The following NKAIN2 variants were observed in gnomAD, a reference collection of about 807,000 sequenced individuals.
The protein encoded by NKAIN2 is sodium/potassium-transporting ATPase subunit beta-1-interacting protein 2.
In NKAIN2, 14 loss-of-function variants were observed where a neutral mutation model predicts 32.6. The observed-to-expected ratio is 0.43, with a 90% CI of 0.28 to 0.67. The LOEUF is 0.67. Among genes scored for constraint, NKAIN2 ranks in the 30% least tolerant of loss-of-function variants. The pLI is 0.17. For synonymous variants in NKAIN2, 80 were observed against 87.2 expected (o/e 0.92, Z 0.46); for missense variants, 198 against 258.3 (o/e 0.77, Z 1.60).
intron 1 of NKAIN2, among the ~76,000 whole-genome samples, chr6:124,141,900 A>T (rs549483958): frequency 1.3e-5 from 2 of 152,156 alleles, no homozygotes; most frequent in South Asian, 2.1e-4. Flanking sequence ...ACATCTCAAA[A>T]TTTTCAGCTT....
At chr6:124,382,899 A>G (rs1218623673) in intron 3 of NKAIN2, among the ~76,000 whole-genome samples, 5 of 152,196 alleles carry the variant, frequency 3.3e-5, no homozygotes, top group African/African-American at 1.2e-4. Context: ...GCATCATGAT[A>G]TCTGTTAGTT....
chr6:124,057,795 AGTT>A (rs1782729479), intron 1 of NKAIN2, among the ~76,000 whole-genome samples: 1 of 152,038 alleles, frequency 6.6e-6, no homozygotes, highest in African/African-American at 2.4e-5. Flanking sequence ...TTGTAAAGAG[AGTT>A]GTTTGAAATA....
intron 4 of NKAIN2, among the ~76,000 whole-genome samples, chr6:124,743,932 A>G (rs1488580666): frequency 6.6e-6 from 1 of 151,858 alleles, no homozygotes; most frequent in Non-Finnish European, 1.5e-5. Flanking sequence ...AATTTATAAA[A>G]TTGTGAATAA....
intron 3 of NKAIN2, among the ~76,000 whole-genome samples, chr6:124,617,193 T>G (rs1356000745): frequency 1.3e-5 from 2 of 152,230 alleles, no homozygotes; most frequent in Non-Finnish European, 2.9e-5. Flanking sequence ...CTTTTAGGGC[T>G]TAGTACTTAG....
chr6:124,272,167 A>ATC (rs1376821274), intron 1 of NKAIN2, among the ~76,000 whole-genome samples: 1 of 152,262 alleles, frequency 6.6e-6, no homozygotes, highest in Non-Finnish European at 1.5e-5. Context: ...CCAAGTGTTA[A>ATC]TCGCTAAGAC....
chr6:124,781,299 T>G (rs2114785289), intron 4 of NKAIN2, among the ~76,000 whole-genome samples: 1 of 152,246 alleles, frequency 6.6e-6, no homozygotes, highest in Non-Finnish European at 1.5e-5. Flanking sequence ...AGCCTCAGTT[T>G]TTTCATTTAT....
intron 3 of NKAIN2, among the ~76,000 whole-genome samples, chr6:124,424,574 A>AC (rs1355121004): frequency 6.6e-6 from 1 of 152,074 alleles, no homozygotes; most frequent in Non-Finnish European, 1.5e-5. Flanking sequence ...CAACCCCTGA[A>AC]CCATGACTGG....
At chr6:124,727,982 G>C (rs945363723) in intron 4 of NKAIN2, among the ~76,000 whole-genome samples, 8 of 150,742 alleles carry the variant, frequency 5.3e-5, no homozygotes, top group African/African-American at 1.7e-4. Flanking sequence ...TAATGGTAAA[G>C]GGATCAATTC....
chr6:124,229,666 G>A (rs1250050658), intron 1 of NKAIN2, among the ~76,000 whole-genome samples: 1 of 152,138 alleles, frequency 6.6e-6, no homozygotes, highest in African/African-American at 2.4e-5. Flanking sequence ...AACCATGGAA[G>A]TGGGTCTTTG....
intron 4 of NKAIN2, 76 bp from the exon 5 acceptor site, chr6:124,791,263 T>G: frequency 8.8e-7 from 1 of 1,130,920 alleles, no homozygotes. Flanking sequence ...CTGCCTGACT[T>G]TGAAAAGCCA....
intron 2 of NKAIN2, among the ~76,000 whole-genome samples, chr6:124,290,905 C>A (rs1222630012): frequency 1.3e-5 from 2 of 152,014 alleles, no homozygotes; most frequent in Admixed American, 1.3e-4. Flanking sequence ...CTGGAGATTT[C>A]TCTTAGTACT....
intron 3 of NKAIN2, among the ~76,000 whole-genome samples, chr6:124,652,386 C>T (rs1255235161): frequency 1.3e-5 from 2 of 152,184 alleles, no homozygotes; most frequent in Admixed American, 6.5e-5. Context: ...TCACCAGAAT[C>T]GTCTGTAATC....
chr6:124,731,290 A>T (rs1198035313), intron 4 of NKAIN2, among the ~76,000 whole-genome samples: 1 of 150,554 alleles, frequency 6.6e-6, no homozygotes, highest in Non-Finnish European at 1.5e-5. Context: ...TATTCACAAT[A>T]GCAAAGACTT....
chr6:124,440,221 GAC>G (rs1775632568), intron 3 of NKAIN2, among the ~76,000 whole-genome samples: 1 of 151,986 alleles, frequency 6.6e-6, no homozygotes, highest in Admixed American at 6.6e-5. Context: ...GAATCTAGGT[GAC>G]ACACCACAGT....
intron 3 of NKAIN2, among the ~76,000 whole-genome samples, chr6:124,373,504 T>C (rs1799860227): frequency 6.6e-6 from 1 of 152,154 alleles, no homozygotes; most frequent in South Asian, 2.1e-4. Flanking sequence ...GTCATTAGTA[T>C]GTAAATAGAG....
chr6:124,215,126 A>G (rs1251272363), intron 1 of NKAIN2, among the ~76,000 whole-genome samples: 2 of 152,206 alleles, frequency 1.3e-5, no homozygotes, highest in African/African-American at 4.8e-5. Context: ...ATGGAACATA[A>G]GCAATCAACA....
At chr6:123,873,154 G>A (rs976061651) in intron 1 of NKAIN2, among the ~76,000 whole-genome samples, 1 of 152,090 alleles carries the variant, frequency 6.6e-6, no homozygotes, top group African/African-American at 2.4e-5. Flanking sequence ...AAAATGGAAT[G>A]AAGTATTATA....
intron 4 of NKAIN2, among the ~76,000 whole-genome samples, chr6:124,787,990 G>T (rs1408746165): frequency 6.6e-6 from 1 of 151,988 alleles, no homozygotes; most frequent in Non-Finnish European, 1.5e-5. Flanking sequence ...GTGTTTGAGA[G>T]GATTAATGGG....
intron 3 of NKAIN2, among the ~76,000 whole-genome samples, chr6:124,355,602 T>C (rs1467694871): frequency 2.0e-5 from 3 of 152,198 alleles, no homozygotes; most frequent in Non-Finnish European, 2.9e-5. Flanking sequence ...TTTAAAACAT[T>C]AACCACTGAA....
Sources: gnomAD v4.1 joint callset for allele counts (sites outside exome capture counted in the v4.1 genomes callset) on GRCh38, gnomAD v4.1.1 for gene constraint, MANE v1.5 for transcripts, NCBI Gene and HGNC (gene_info 2026-07-23, HGNC 2026-07-21) for gene names.